MRGBP: variants seen among roughly 807,000 people sequenced by gnomAD.
The protein encoded by MRGBP is MRG domain binding protein, also known as MRG/MORF4L-binding protein.
MRGBP carries 5 observed loss-of-function variants against 21.5 expected under a neutral mutation model. The ratio of observed to expected loss-of-function variants is 0.23; its 90% CI spans 0.12 to 0.49. The LOEUF is 0.49. Among genes scored for constraint, MRGBP ranks in the 20% least tolerant of loss-of-function variants. MRGBP has a pLI of 0.98. For missense variants in MRGBP, 227 were observed against 277.4 expected, an observed-to-expected ratio of 0.82 and a Z score of 1.29; for synonymous variants, 118 against 104.4, an observed-to-expected ratio of 1.13 and a Z score of -0.79.
In MRGBP at chr20:62,799,916, A is replaced by G; in HGVS notation, c.*273A>G. 2.6e-6 allele frequency: 1 copy of G among 390,898 alleles called. No homozygotes were observed. The highest frequency in any genetic ancestry group is 4.1e-5 in the Admixed American group (1 of 24,372). 24.2% of individuals were successfully genotyped at this position (390,898 alleles called of 1,614,324 possible). ...TGAAGCCTAGTTCTGTCTTCTCTGGAGCAGCTGTGGCTTCCCCGTGGCTGC... is the reference window on the plus strand; with the variant it reads ...TGAAGCCTAGTTCTGTCTTCTCTGGGGCAGCTGTGGCTTCCCCGTGGCTGC... On this transcript the variant is annotated 3_prime_UTR_variant, in exon 5 of 5. Coordinates refer to ENST00000370487, the MANE Select transcript of MRGBP (RefSeq NM_018270.6).
At chr20:62,797,587 T>G in intron 2 of MRGBP, among the ~76,000 whole-genome samples, 1 of 151,862 alleles carries the variant, frequency 6.6e-6, no homozygotes, top group Non-Finnish European at 1.5e-5. Flanking sequence ...TGGGCCAGAG[T>G]CTCCAGCTGA....
intron 2 of MRGBP, among the ~76,000 whole-genome samples, chr20:62,798,318 T>A (rs1013536107): frequency 6.6e-6 from 1 of 152,208 alleles, no homozygotes; most frequent in African/African-American, 2.4e-5. Context: ...CCCGCCTTAG[T>A]GATGCTGGCC....
chr20:62,797,179 C>A lies in MRGBP; in HGVS notation c.218C>A (p.Pro73Gln), dbSNP rs1422630268. The A allele has an allele frequency of 3.7e-6, 6 of 1,605,800 alleles. No homozygotes were observed. Among genetic ancestry groups the A allele is most frequent in the Non-Finnish European group, 5.1e-6 (6 of 1,177,342 alleles). The change falls in exon 2 of 5, where the codon CCA (proline) becomes CAA (glutamine). Residue 73 changes from proline to glutamine, a missense_variant. This residue lies in a region of MRGBP where 162 missense variants were observed against 227.7 expected (regional missense o/e 0.71). Coordinates refer to ENST00000370487, the MANE Select transcript of MRGBP (RefSeq NM_018270.6). Reference protein sequence around the residue: ...KFSQNIGRQVPSKVIWDHLST... With the variant: ...KFSQNIGRQVQSKVIWDHLST... ...AGCCAGAACATCGGGCGGCAGGTCC[C>A]ATCCAAGGTCATCTGGGACCATCTG...
chr20:62,797,385 G>A (rs1990360823), intron 2 of MRGBP, among the ~76,000 whole-genome samples, 154 bp downstream of exon 2: 1 of 151,864 alleles, frequency 6.6e-6, no homozygotes, highest in Non-Finnish European at 1.5e-5. Context: ...GGGGTCTGCA[G>A]TGAGCTCTCA....
chr20:62,799,027 C>T lies in MRGBP; in HGVS notation c.405C>T (p.Asp135=). ...EMKEEMKEDV[D]PHNGADDVFS... is the part of the protein sequence containing the mutation. ...AAGAGGAGATGAAGGAAGACGTGGACCCCCACAATGGGGCTGACGATGGTG... is the reference window on the plus strand; with the variant it reads ...AAGAGGAGATGAAGGAAGACGTGGATCCCCACAATGGGGCTGACGATGGTG... The change falls in exon 4 of 5, where the codon GAC becomes GAT. Residue 135 remains aspartate, a synonymous_variant. Coordinates refer to ENST00000370487, the MANE Select transcript of MRGBP (RefSeq NM_018270.6). The T allele has an allele frequency of 6.2e-7, 1 of 1,613,294 alleles. No homozygotes were observed. The highest frequency in any genetic ancestry group is 8.5e-7 in the Non-Finnish European group (1 of 1,179,764).
At chr20:62,798,522 T>C in intron 2 of MRGBP, 65 bp from the exon 3 acceptor site, 2 of 1,414,208 alleles carry the variant, frequency 1.4e-6, no homozygotes, top group South Asian at 1.2e-5. Context: ...TACACGGCTC[T>C]AGTGACTTCT....
chr20:62,801,329 G>A lies in MRGBP; in HGVS notation c.*1686G>A, dbSNP rs1990458334. The A allele has an allele frequency of 6.6e-6, 1 of 152,228 alleles. No homozygotes were observed. Among genetic ancestry groups the A allele is most frequent in the Non-Finnish European group, 1.5e-5 (1 of 68,058 alleles). The allele number at this position is 152,228 out of a possible 1,614,324, so 9.4% of individuals were successfully genotyped here. ...GCCTGCCACAAAGAGCAGGCATCTG[G>A]AGGGCCCCACACACATAGACCAAAG... On this transcript the variant is annotated 3_prime_UTR_variant, in exon 5 of 5. Transcript: ENST00000370487.
Position 62,799,052 on chromosome 20 carries a change from G to T in MRGBP, c.427+3G>T, listed in dbSNP as rs1244264117. On this transcript the variant is annotated splice_donor_region_variant and intron_variant, in intron 4 of 4. Coordinates refer to ENST00000370487, the MANE Select transcript of MRGBP (RefSeq NM_018270.6). ...CCCCCACAATGGGGCTGACGATGGT[G>T]AGTGTGGAGCTCACCCTGCCCTGAT... 7 of 1,608,884 alleles carry T rather than the reference G, an allele frequency of 4.4e-6. No homozygotes were observed. The East Asian group carries it at 1.6e-4, about 36-fold the overall frequency.
chr20:62,799,639 C>G lies in MRGBP; in HGVS notation c.611C>G (p.Thr204Arg). The change falls in exon 5 of 5, where the codon ACG becomes AGG. Residue 204 changes from threonine (T) to arginine (R), a missense_variant. Physicochemically the swap from Thr to Arg is moderately conservative, Grantham distance 71 (BLOSUM62 -1). This residue lies in a region of MRGBP where 162 missense variants were observed against 227.7 expected (regional missense o/e 0.71). Transcript: ENST00000370487. ...CCCAGTGCTGCCAAGCGGCGCCGCA[C>G]GTAGACCCTCAGCCCTGGTGGCGGC... is the stretch of plus-strand genomic sequence containing the variant. Reference protein sequence around the residue: ...SSPSAAKRRRT With the variant: ...SSPSAAKRRRR 1 of 1,609,806 alleles carries G rather than the reference C, an allele frequency of 6.2e-7. No homozygotes were observed. The highest frequency in any genetic ancestry group is 2.2e-5 in the East Asian group (1 of 44,802).
At position 62,797,098 on chromosome 20, in the gene MRGBP, T is replaced by G; in HGVS notation, c.149-12T>G. On this transcript the variant is annotated splice_polypyrimidine_tract_variant and intron_variant, in intron 1 of 4. Transcript: ENST00000370487. ...CGCTCACCGGTTATCCCGCCGCCCC[T>G]CCTCCCCTCAGGTGTGAACCGACAC... 1 of 1,448,564 alleles carries G rather than the reference T, an allele frequency of 6.9e-7. No individual in the cohort carries two copies. The highest frequency in any genetic ancestry group is 9.1e-7 in the Non-Finnish European group (1 of 1,094,458). 89.7% of individuals were successfully genotyped at this position (1,448,564 alleles called of 1,614,324 possible). A position where few individuals can be genotyped will look rare whatever the true frequency, so the allele number is the denominator to read the frequency against.
Position 62,798,685 on chromosome 20 carries a change from G to T in MRGBP, c.352+17G>T. Reference sequence around the variant, plus strand: ...TCCGAGAAGGTGAGGCTCGGGAAAGGTTGGGCTTGGGATTCAGAAAAGGCC... The same window carrying T: ...TCCGAGAAGGTGAGGCTCGGGAAAGTTTGGGCTTGGGATTCAGAAAAGGCC... On this transcript the variant is annotated intron_variant, in intron 3 of 4. Transcript: ENST00000370487. The T allele has an allele frequency of 6.2e-7, 1 of 1,613,134 alleles. No individual in the cohort carries two copies. The highest frequency in any genetic ancestry group is 8.5e-7 in the Non-Finnish European group (1 of 1,179,388).
chr20:62,798,677 C>T lies in MRGBP; in HGVS notation c.352+9C>T, dbSNP rs376801566. On this transcript the variant is annotated intron_variant, in intron 3 of 4. Coordinates refer to ENST00000370487, the MANE Select transcript of MRGBP (RefSeq NM_018270.6). The stretch of plus-strand genomic sequence containing the variant: ...TCAGGAGGTCCGAGAAGGTGAGGCT[C>T]GGGAAAGGTTGGGCTTGGGATTCAG... 95 of 1,613,214 alleles carry T rather than the reference C, an allele frequency of 5.9e-5. No individual in the cohort carries two copies. The highest frequency in any genetic ancestry group is 7.2e-5 in the Non-Finnish European group (85 of 1,179,604).
In MRGBP at chr20:62,801,311, A is replaced by C. The variant is rs1291715997; in HGVS notation, c.*1668A>C. ...CACAGCCCTGCAGTAACAGCCTGCC[A>C]CAAAGAGCAGGCATCTGGAGGGCCC... On this transcript the variant is annotated 3_prime_UTR_variant, in exon 5 of 5. Coordinates refer to ENST00000370487, the MANE Select transcript of MRGBP (RefSeq NM_018270.6). 1 of 152,226 alleles carries C rather than the reference A, an allele frequency of 6.6e-6. No individual in the cohort carries two copies. Among genetic ancestry groups the C allele is most frequent in the Non-Finnish European group, 1.5e-5 (1 of 68,048 alleles). The allele number at this position is 152,226 out of a possible 1,614,324, so 9.4% of individuals were successfully genotyped here.
At chr20:62,799,075 G>C (rs777163507) in intron 4 of MRGBP, 26 bp downstream of exon 4, 1 of 1,593,264 alleles carries the variant, frequency 6.3e-7, no homozygotes, top group Non-Finnish European at 8.6e-7. Flanking sequence ...ACCCTGCCCT[G>C]ATGCCCTTTG....
At chr20:62,797,361 C>T (rs1029484216) in intron 2 of MRGBP, 130 bp downstream of exon 2, 1 of 1,255,956 alleles carries the variant, frequency 8.0e-7, no homozygotes, top group Non-Finnish European at 1.0e-6. Flanking sequence ...AGTAGAGGCC[C>T]CTCCATGCCT....
At chr20:62,797,550 T>A (rs1039727175) in intron 2 of MRGBP, among the ~76,000 whole-genome samples, 1 of 152,240 alleles carries the variant, frequency 6.6e-6, no homozygotes, top group African/African-American at 2.4e-5. Flanking sequence ...GGCTAGCTTT[T>A]CAGGGGCTCT....
At chr20:62,798,534 G>A in intron 2 of MRGBP, 53 bp from the exon 3 acceptor site, 5 of 1,509,836 alleles carry the variant, frequency 3.3e-6, no homozygotes, top group Non-Finnish European at 4.6e-6. Flanking sequence ...GTGACTTCTT[G>A]AAACTGCATC....
At chr20:62,798,221 GAAC>G (rs1990378187) in intron 2 of MRGBP, among the ~76,000 whole-genome samples, 1 of 152,206 alleles carries the variant, frequency 6.6e-6, no homozygotes, top group Non-Finnish European at 1.5e-5. Flanking sequence ...CCGCCTTGGG[GAAC>G]GCAGTCTCAT....
intron 2 of MRGBP, among the ~76,000 whole-genome samples, chr20:62,797,776 G>T (rs1364593594): frequency 2.0e-5 from 3 of 152,254 alleles, no homozygotes; most frequent in Non-Finnish European, 4.4e-5. Context: ...AGAGCTTGGA[G>T]CTGGCACTGT....
Sources: allele counts gnomAD v4.1 joint callset (sites outside exome capture counted in the v4.1 genomes callset), GRCh38; gene constraint gnomAD v4.1.1; regional missense constraint gnomAD v4.1.1; transcripts MANE v1.5; gene names NCBI Gene and HGNC (gene_info 2026-07-23, HGNC 2026-07-21).